The following TTLL7 variants were observed in gnomAD, a reference collection of about 807,000 sequenced individuals.
TTLL7 encodes tubulin polyglutamylase TTLL7.
TTLL7 carries 53 observed loss-of-function variants against 120.2 expected under a neutral mutation model. The observed-to-expected ratio is 0.44, with a 90% CI of 0.35 to 0.55. The LOEUF (loss-of-function observed/expected upper bound fraction) is 0.55. TTLL7 is among the 20% of genes least tolerant of loss of function. TTLL7 has a pLI of 0.00. For synonymous variants in TTLL7, 353 were observed against 351.7 expected, an observed-to-expected ratio of 1.00 and a Z score of -0.04; for missense variants, 803 against 1,054.7, an observed-to-expected ratio of 0.76 and a Z score of 3.31.
chr1:83,910,412 G>A (rs1281631017), intron 15 of TTLL7, among the ~76,000 whole-genome samples: 1 of 152,038 alleles, frequency 6.6e-6, no homozygotes, highest in East Asian at 1.9e-4. Context: ...ATCAGGAAGG[G>A]GTTTTCCAAC....
At chr1:83,927,208 C>T (rs112680080) in intron 10 of TTLL7, among the ~76,000 whole-genome samples, 421 of 152,264 alleles carry the variant, frequency 2.8e-3, no homozygotes, top group African/African-American at 9.6e-3. Context: ...AAGCAAAGCA[C>T]TGTACTAAGC....
chr1:83,981,722 C>T (rs1312868217), intron 1 of TTLL7, among the ~76,000 whole-genome samples: 1 of 151,934 alleles, frequency 6.6e-6, no homozygotes, highest in East Asian at 1.9e-4. Context: ...GTCCCCGCTA[C>T]TCAGGAGGCT....
rs1653036940 is a variant in TTLL7 at position 83,868,060 on chromosome 1, T to C, written c.*1902A>G. On this transcript the variant is annotated 3_prime_UTR_variant, in exon 21 of 21. Coordinates refer to ENST00000260505, the MANE Select transcript of TTLL7 (RefSeq NM_024686.6). Reference sequence around the variant, plus strand: ...AAAAAATCAAGTAGCTAGCAATAATTTGGGAAATAAACAAATCATTTCAGC... The same window carrying C: ...AAAAAATCAAGTAGCTAGCAATAATCTGGGAAATAAACAAATCATTTCAGC... The C allele has an allele frequency of 6.6e-6, 1 of 152,070 alleles. No individual in the cohort carries two copies. Among genetic ancestry groups the C allele is most frequent in the African/African-American group, 2.4e-5 (1 of 41,424 alleles). 9.4% of individuals were successfully genotyped at this position (152,070 alleles called of 1,614,324 possible).
At chr1:83,988,867 G>A (rs945747469) in intron 1 of TTLL7, among the ~76,000 whole-genome samples, 1 of 151,932 alleles carries the variant, frequency 6.6e-6, no homozygotes, top group Admixed American at 6.6e-5. Flanking sequence ...CACCCACCAC[G>A]CCCAGCTAAT....
At chr1:83,931,145 T>C (rs567632621) in intron 9 of TTLL7, among the ~76,000 whole-genome samples, 53 of 152,082 alleles carry the variant, frequency 3.5e-4, no homozygotes, top group Non-Finnish European at 6.0e-4. Flanking sequence ...TTGGTTCTCA[T>C]TTCCTACCCC....
intron 1 of TTLL7, among the ~76,000 whole-genome samples, chr1:83,988,473 A>C (rs1485416984): frequency 6.6e-6 from 1 of 152,252 alleles, no homozygotes; most frequent in Non-Finnish European, 1.5e-5. Context: ...TGCTTTCCAC[A>C]GTGACTGAAC....
intron 19 of TTLL7, among the ~76,000 whole-genome samples, chr1:83,887,698 T>C (rs1655081405): frequency 6.6e-6 from 1 of 152,054 alleles, no homozygotes; most frequent in East Asian, 1.9e-4. Context: ...AAATCTGCTT[T>C]GGGGAATGTC....
intron 1 of TTLL7, among the ~76,000 whole-genome samples, chr1:83,967,957 A>G (rs1220486778): frequency 6.6e-6 from 1 of 152,032 alleles, no homozygotes; most frequent in Admixed American, 6.6e-5. Flanking sequence ...TTTATTCAAG[A>G]AAAACTATTG....
intron 18 of TTLL7, among the ~76,000 whole-genome samples, chr1:83,896,843 A>G (rs1453816114): frequency 6.6e-6 from 1 of 152,118 alleles, no homozygotes; most frequent in Non-Finnish European, 1.5e-5. Flanking sequence ...TAAGCTTTTC[A>G]GCAAATCTGG....
intron 8 of TTLL7, among the ~76,000 whole-genome samples, chr1:83,934,354 G>A (rs1490933500): frequency 1.3e-5 from 2 of 152,192 alleles, no homozygotes; most frequent in Non-Finnish European, 1.5e-5. Flanking sequence ...CAGAAGAGAT[G>A]AGGGTGACAG....
intron 15 of TTLL7, among the ~76,000 whole-genome samples, chr1:83,909,909 A>T (rs1657533148): frequency 2.0e-5 from 3 of 152,156 alleles, no homozygotes; most frequent in Admixed American, 2.0e-4. Flanking sequence ...ACAGAGCCAT[A>T]CTTACACAAA....
chr1:83,908,872 C>T (rs1335611531), intron 15 of TTLL7, among the ~76,000 whole-genome samples: 3 of 151,680 alleles, frequency 2.0e-5, no homozygotes, highest in African/African-American at 7.3e-5. Flanking sequence ...GGATGTACTT[C>T]TAAATTAAAT....
chr1:83,919,967 C>T (rs1658505066), intron 12 of TTLL7, 133 bp from the exon 13 acceptor site: 5 of 653,456 alleles, frequency 7.7e-6, no homozygotes, highest in Non-Finnish European at 1.2e-5. Flanking sequence ...CATTTCTATA[C>T]TGATTAGTGC....
intron 14 of TTLL7, among the ~76,000 whole-genome samples, chr1:83,914,800 T>A (rs902750774): frequency 2.6e-5 from 4 of 152,212 alleles, no homozygotes; most frequent in African/African-American, 9.6e-5. Flanking sequence ...CCTGGTTTTT[T>A]ATTTACCTGT....
chr1:83,901,392 T>C (rs1220677259), intron 18 of TTLL7, among the ~76,000 whole-genome samples: 3 of 152,026 alleles, frequency 2.0e-5, no homozygotes, highest in African/African-American at 7.2e-5. Context: ...GATAATTGCT[T>C]CAGTACCACT....
intron 20 of TTLL7, among the ~76,000 whole-genome samples, chr1:83,871,913 A>G (rs1653448698): frequency 1.3e-5 from 2 of 151,378 alleles, no homozygotes; most frequent in Admixed American, 1.3e-4. Context: ...AAAAAAAAAA[A>G]AAAAGGAAAA....
chr1:83,946,798 A>C (rs1281487318), intron 6 of TTLL7, among the ~76,000 whole-genome samples: 2 of 152,128 alleles, frequency 1.3e-5, no homozygotes, highest in African/African-American at 2.4e-5. Flanking sequence ...AACTGATTTT[A>C]CTCTCCAAGC....
chr1:83,926,361 C>G (rs1240098909), intron 10 of TTLL7, among the ~76,000 whole-genome samples: 3 of 151,982 alleles, frequency 2.0e-5, no homozygotes, highest in African/African-American at 7.3e-5. Context: ...TCTATCGGAC[C>G]AGGGCATCCA....
At chr1:83,938,104 A>C in intron 7 of TTLL7, 88 bp from the exon 8 acceptor site, 2 of 1,263,194 alleles carry the variant, frequency 1.6e-6, no homozygotes, top group South Asian at 2.6e-5. Context: ...TCAAAGACTA[A>C]AGAAAGTTTT....
Sources: allele counts gnomAD v4.1 joint callset (sites outside exome capture counted in the v4.1 genomes callset), GRCh38; gene constraint gnomAD v4.1.1; transcripts MANE v1.5; gene names NCBI Gene and HGNC (gene_info 2026-07-23, HGNC 2026-07-21).